The following SLC30A8 variants were observed in gnomAD, a reference collection of about 807,000 sequenced individuals.
SLC30A8 encodes the protein proton-coupled zinc antiporter SLC30A8.
In SLC30A8, 27 loss-of-function variants were observed where a neutral mutation model predicts 36.9. The ratio of observed to expected loss-of-function variants is 0.73; its 90% CI spans 0.54 to 1.01. The LOEUF (loss-of-function observed/expected upper bound fraction) is 1.01, where lower values mean the gene tolerates loss of function less well. Among genes scored for constraint, SLC30A8 ranks in the 50% least tolerant of loss-of-function variants. The probability of loss-of-function intolerance (pLI) is 0.00; values close to 1 mark genes in which losing one functional copy is unlikely to be tolerated. For synonymous variants in SLC30A8, 164 were observed against 172.4 expected, an observed-to-expected ratio of 0.95 and a Z score of 0.38; for missense variants, 439 against 452.0, an observed-to-expected ratio of 0.97 and a Z score of 0.26.
intron 6 of SLC30A8, among the ~76,000 whole-genome samples, chr8:117,166,766 ATTTTTTTTTTT>A (rs71305462): frequency 7.8e-6 from 1 of 128,676 alleles, no homozygotes; most frequent in Non-Finnish European, 1.6e-5. Flanking sequence ...ACATTAGCTG[ATTTTTTTTTTT>A]TTTTTTTTTG....
intron 1 of SLC30A8, among the ~76,000 whole-genome samples, chr8:116,999,835 AAGC>A (rs1468761114): frequency 4.6e-5 from 7 of 152,160 alleles, no homozygotes; most frequent in South Asian, 2.1e-4. Context: ...TGAAACAAAA[AAGC>A]AGACATAAAA....
chr8:117,117,015 C>A (rs1186559915), intron 2 of SLC30A8, among the ~76,000 whole-genome samples: 1 of 151,936 alleles, frequency 6.6e-6, no homozygotes, highest in Non-Finnish European at 1.5e-5. Flanking sequence ...GAAATGAATG[C>A]TGTAGCCCTC....
At chr8:117,057,794 T>G (rs1817917372) in intron 2 of SLC30A8, among the ~76,000 whole-genome samples, 1 of 152,228 alleles carries the variant, frequency 6.6e-6, no homozygotes, top group Non-Finnish European at 1.5e-5. Flanking sequence ...CATCTGTTGA[T>G]AGACAGTTGG....
chr8:117,140,208 CAG>C (rs753186331), intron 1 of SLC30A8, among the ~76,000 whole-genome samples: 13 of 151,740 alleles, frequency 8.6e-5, no homozygotes, highest in African/African-American at 2.9e-4. Flanking sequence ...ACATGAAAAA[CAG>C]AGAAAATAGA....
At chr8:116,982,867 AAG>A (rs1398632003) in intron 1 of SLC30A8, among the ~76,000 whole-genome samples, 2 of 152,266 alleles carry the variant, frequency 1.3e-5, no homozygotes, top group East Asian at 3.9e-4. Context: ...TCAAAAGTGT[AAG>A]AGAGTACCTT....
intron 2 of SLC30A8, among the ~76,000 whole-genome samples, chr8:117,123,672 G>T (rs1476645548): frequency 2.0e-5 from 3 of 151,926 alleles, no homozygotes; most frequent in East Asian, 3.9e-4. Context: ...TAAAGTTCAC[G>T]TAAGTGTATA....
intron 2 of SLC30A8, among the ~76,000 whole-genome samples, chr8:117,078,324 C>G (rs1818554281): frequency 6.6e-6 from 1 of 152,112 alleles, no homozygotes; most frequent in Admixed American, 6.5e-5. Context: ...TCCTAAGTGC[C>G]AGACACTCTT....
intron 1 of SLC30A8, chr8:117,018,278 A>ATACG (rs1816586766): frequency 6.6e-6 from 1 of 152,212 alleles, no homozygotes; most frequent in Admixed American, 6.5e-5. Context: ...ACATACATAC[A>ATACG]TACATAAAAT....
intron 1 of SLC30A8, among the ~76,000 whole-genome samples, chr8:117,014,106 G>A (rs576330724): frequency 1.3e-5 from 2 of 152,134 alleles, no homozygotes; most frequent in South Asian, 4.1e-4. Flanking sequence ...GCGTTTAATG[G>A]CAAAACCGCA....
chr8:117,060,039 A>G (rs1368102713), intron 2 of SLC30A8, among the ~76,000 whole-genome samples: 1 of 152,186 alleles, frequency 6.6e-6, no homozygotes, highest in Non-Finnish European at 1.5e-5. Context: ...TTTGAGCTCA[A>G]GATGCCATTA....
chr8:117,156,318 C>T (rs1007164882), intron 3 of SLC30A8, among the ~76,000 whole-genome samples: 2 of 152,202 alleles, frequency 1.3e-5, no homozygotes, highest in Admixed American at 6.5e-5. Context: ...GCTGGGATTA[C>T]AGGCATGAGC....
chr8:116,986,344 T>C (rs1358655858), intron 1 of SLC30A8, among the ~76,000 whole-genome samples: 1 of 152,118 alleles, frequency 6.6e-6, no homozygotes, highest in African/African-American at 2.4e-5. Context: ...AGCAAACACC[T>C]CCTCACCCTA....
At chr8:117,156,039 T>A (rs575350972) in intron 3 of SLC30A8, among the ~76,000 whole-genome samples, 1 of 149,094 alleles carries the variant, frequency 6.7e-6, no homozygotes, top group African/African-American at 2.4e-5. Context: ...AACTGAAGAT[T>A]AGTACTTTTT....
At chr8:117,084,257 G>A (rs888397555) in intron 2 of SLC30A8, among the ~76,000 whole-genome samples, 4 of 152,078 alleles carry the variant, frequency 2.6e-5, no homozygotes, top group Non-Finnish European at 5.9e-5. Flanking sequence ...TTATACTTGT[G>A]GAGTCTGCCA....
intron 2 of SLC30A8, among the ~76,000 whole-genome samples, chr8:117,091,358 C>A (rs1024303326): frequency 7.3e-5 from 11 of 151,178 alleles, no homozygotes; most frequent in African/African-American, 2.5e-4. Context: ...TGTACAGAAT[C>A]TCTCTAGTTT....
chr8:116,964,027 G>A (rs951143375), intron 1 of SLC30A8, among the ~76,000 whole-genome samples: 3 of 152,186 alleles, frequency 2.0e-5, no homozygotes, highest in African/African-American at 4.8e-5. Flanking sequence ...AAGGTATTAT[G>A]TACTCAGGCA....
chr8:117,087,817 TA>T (rs1175907812), intron 2 of SLC30A8, among the ~76,000 whole-genome samples: 1 of 152,158 alleles, frequency 6.6e-6, no homozygotes, highest in Non-Finnish European at 1.5e-5. Context: ...GTTCCAGGTC[TA>T]AAAAGTTTTT....
intron 2 of SLC30A8, among the ~76,000 whole-genome samples, chr8:117,056,558 A>G (rs1228500678): frequency 2.0e-5 from 3 of 151,878 alleles, no homozygotes; most frequent in African/African-American, 7.3e-5. Flanking sequence ...TTTTTCTAAA[A>G]CTGAGCTCAG....
chr8:117,028,856 A>G (rs189661681), intron 1 of SLC30A8, among the ~76,000 whole-genome samples: 72 of 152,228 alleles, frequency 4.7e-4, no homozygotes, highest in African/African-American at 1.6e-3. Context: ...ACAGTAAAGG[A>G]CAGTGTTAAG....
Sources: gnomAD v4.1 joint callset for allele counts (sites outside exome capture counted in the v4.1 genomes callset) on GRCh38, gnomAD v4.1.1 for gene constraint, MANE v1.5 for transcripts, NCBI Gene and HGNC (gene_info 2026-07-23, HGNC 2026-07-21) for gene names.